HMGA2: variants seen among roughly 807,000 people sequenced by gnomAD.
HMGA2 encodes high mobility group protein HMGI-C.
Under a neutral mutation model 19.1 loss-of-function variants are expected in HMGA2, and 8 were observed. That is an observed-to-expected ratio of 0.42 (90% CI 0.25 to 0.76). The LOEUF is 0.76. Ranked by LOEUF, HMGA2 falls within the 30% of genes least tolerant of loss-of-function variation. HMGA2 has a pLI of 0.28. For synonymous variants in HMGA2, 60 were observed against 48.8 expected, an observed-to-expected ratio of 1.23 and a Z score of -0.96; for missense variants, 109 against 136.3, an observed-to-expected ratio of 0.80 and a Z score of 1.00.
chr12:65,897,520 A>C (rs1451847447), intron 3 of HMGA2, among the ~76,000 whole-genome samples: 1 of 152,206 alleles, frequency 6.6e-6, no homozygotes, highest in African/African-American at 2.4e-5. Context: ...GTTCCATCTG[A>C]ATACTGGGGC....
At chr12:65,906,255 A>G (rs115487622) in intron 3 of HMGA2, among the ~76,000 whole-genome samples, 2,081 of 152,280 alleles carry the variant, frequency 0.014, 45 homozygotes, top group African/African-American at 0.047. Flanking sequence ...GTCACACATA[A>G]CAATGGCTTG....
intron 2 of HMGA2, among the ~76,000 whole-genome samples, chr12:65,836,512 T>C (rs1282783887): frequency 6.6e-6 from 1 of 152,130 alleles, no homozygotes; most frequent in Non-Finnish European, 1.5e-5. Flanking sequence ...ATTGCACGGA[T>C]GAAACCAAAT....
chr12:65,946,876 C>G lies in HMGA2; in HGVS notation c.250-4507C>G, dbSNP rs112710053. 2.7e-4 allele frequency among the ~76,000 whole-genome samples: 41 copies of G among 152,252 alleles called. 1 individual carries two copies. Among genetic ancestry groups the G allele is most frequent in the African/African-American group, 9.6e-4 (40 of 41,562 alleles). The stretch of plus-strand genomic sequence containing the variant: ...TCATTTGCTGTATGACCTCAGAAAT[C>G]CAAAAATATGTCCTTTCCTTTTGCT... On this transcript the variant is annotated intron_variant, in intron 3 of 4. Coordinates refer to ENST00000403681, the MANE Select transcript of HMGA2 (RefSeq NM_003483.6).
intron 3 of HMGA2, among the ~76,000 whole-genome samples, chr12:65,913,638 T>C (rs560495637): frequency 2.6e-5 from 4 of 152,292 alleles, no homozygotes; most frequent in African/African-American, 7.2e-5. Flanking sequence ...CAGGGTGTAA[T>C]TGAAAGAATA....
chr12:65,852,372 G>T (rs747285784), intron 3 of HMGA2, among the ~76,000 whole-genome samples: 1 of 152,048 alleles, frequency 6.6e-6, no homozygotes, highest in Non-Finnish European at 1.5e-5. Context: ...GCATGGTGGC[G>T]CGCTGCTGTA....
At chr12:65,869,981 C>T (rs1048243229) in intron 3 of HMGA2, among the ~76,000 whole-genome samples, 3 of 150,998 alleles carry the variant, frequency 2.0e-5, no homozygotes, top group Admixed American at 6.6e-5. Context: ...CCTTCTCACA[C>T]TTAGCTTTAG....
chr12:65,903,295 A>G (rs886876509), intron 3 of HMGA2, among the ~76,000 whole-genome samples: 3 of 152,228 alleles, frequency 2.0e-5, no homozygotes, highest in Admixed American at 6.5e-5. Flanking sequence ...CCTAAAAACA[A>G]ATGCCATAAA....
At chr12:65,836,236 G>A (rs1010302035) in intron 2 of HMGA2, among the ~76,000 whole-genome samples, 7 of 152,142 alleles carry the variant, frequency 4.6e-5, no homozygotes, top group African/African-American at 1.7e-4. Context: ...GCAGGCGCCT[G>A]TAGTCCCAGC....
chr12:65,875,592 T>TTTTTTTTTTTTTTTTTG (rs1184110815), intron 3 of HMGA2, among the ~76,000 whole-genome samples: 1 of 45,082 alleles, frequency 2.2e-5, no homozygotes, highest in Admixed American at 2.1e-4. Context: ...CCCGGCTATT[T>TTTTTTTTTTTTTTTTTG]TTTTTTTTTT....
chr12:65,907,502 G>A (rs1169855728), intron 3 of HMGA2, among the ~76,000 whole-genome samples: 1 of 151,804 alleles, frequency 6.6e-6, no homozygotes, highest in African/African-American at 2.4e-5. Context: ...TGCAAAGTTA[G>A]GGGATCACTC....
chr12:65,863,190 C>T (rs1266342127), intron 3 of HMGA2, among the ~76,000 whole-genome samples: 1 of 152,210 alleles, frequency 6.6e-6, no homozygotes, highest in African/African-American at 2.4e-5. Flanking sequence ...TAGTGACACC[C>T]CATTTTGCCT....
At chr12:65,885,704 TA>T (rs1313213093) in intron 3 of HMGA2, among the ~76,000 whole-genome samples, 2 of 152,158 alleles carry the variant, frequency 1.3e-5, no homozygotes, top group Non-Finnish European at 2.9e-5. Flanking sequence ...TTGCCTTTGG[TA>T]AAAGTAGTTT....
intron 3 of HMGA2, among the ~76,000 whole-genome samples, chr12:65,874,977 C>G (rs1872907125): frequency 6.6e-6 from 1 of 152,134 alleles, no homozygotes; most frequent in Admixed American, 6.5e-5. Flanking sequence ...TCCCTTTATT[C>G]AACCAGAAAG....
At chr12:65,929,423 A>T (rs1260299099) in intron 3 of HMGA2, among the ~76,000 whole-genome samples, 2 of 151,782 alleles carry the variant, frequency 1.3e-5, no homozygotes, top group East Asian at 3.9e-4. Flanking sequence ...TATCGACTTG[A>T]TATGTCTAAA....
At chr12:65,867,989 CA>C (rs1375865483) in intron 3 of HMGA2, among the ~76,000 whole-genome samples, 1 of 152,226 alleles carries the variant, frequency 6.6e-6, no homozygotes, top group Non-Finnish European at 1.5e-5. Context: ...ACAGATGTCA[CA>C]AGCACCTTGT....
At position 65,824,713 on chromosome 12, in the gene HMGA2, T is replaced by TTCTCTCTCTCTCTCTCTC. The variant is rs60786450; in HGVS notation, c.-519_-502dup. The TTCTCTCTCTCTCTCTCTC allele has an allele frequency of 1.0e-4, 15 of 145,126 alleles. No individual in the cohort carries two copies. Among genetic ancestry groups the TTCTCTCTCTCTCTCTCTC allele is most frequent in the South Asian group, 7.1e-4 (2 of 2,832 alleles). 9.0% of individuals were successfully genotyped at this position (145,126 alleles called of 1,614,324 possible). ...CCAAGGCACTTTCAATCTCAATCTC[T>TTCTCTCTCTCTCTCTCTC]TCTCTCTCTCTCTCTCTCTCTCTCT... On this transcript the variant is annotated 5_prime_UTR_variant, in exon 1 of 5. Coordinates refer to ENST00000403681, the MANE Select transcript of HMGA2 (RefSeq NM_003483.6).
rs1055813929 is a variant in HMGA2, at chr12:65,827,932, TAA to T, written c.112-67_112-66del. The stretch of plus-strand genomic sequence containing the variant: ...GAGCAGCACATGCAGAAAATATAGC[TAA>T]AGAGTCAGGGTCAATTTCTTTCAGA... On this transcript the variant is annotated intron_variant, in intron 1 of 4. Transcript: ENST00000403681. The T allele has an allele frequency of 6.3e-6, 7 of 1,103,450 alleles. No homozygotes were observed. The African/African-American group carries it at 7.7e-5, about 12-fold the overall frequency. 68.4% of individuals were successfully genotyped at this position (1,103,450 alleles called of 1,614,324 possible). A position where few individuals can be genotyped will look rare whatever the true frequency, so the allele number is the denominator to read the frequency against.
At chr12:65,876,780 C>T (rs945998924) in intron 3 of HMGA2, 1 of 152,186 alleles carries the variant, frequency 6.6e-6, no homozygotes, top group African/African-American at 2.4e-5. Context: ...AAACCATACC[C>T]CATAGCAACA....
chr12:65,835,028 C>T (rs1310401035), intron 2 of HMGA2, among the ~76,000 whole-genome samples: 1 of 152,136 alleles, frequency 6.6e-6, no homozygotes, highest in Non-Finnish European at 1.5e-5. Context: ...TCAGTTCTTA[C>T]CAATGAGAAT....
Sources: gnomAD v4.1 joint callset for allele counts (sites outside exome capture counted in the v4.1 genomes callset) on GRCh38, gnomAD v4.1.1 for gene constraint, MANE v1.5 for transcripts, NCBI Gene and HGNC (gene_info 2026-07-23, HGNC 2026-07-21) for gene names.